Variants in MAST4 observed in about 807,000 individuals in gnomAD.
MAST4 encodes the protein microtubule-associated serine/threonine-protein kinase 4.
MAST4 carries 89 observed loss-of-function variants against 162.7 expected under a neutral mutation model. The observed-to-expected ratio is 0.55, with a 90% confidence interval of 0.46 to 0.65. The LOEUF (loss-of-function observed/expected upper bound fraction) is 0.65. Among genes scored for constraint, MAST4 ranks in the 30% least tolerant of loss-of-function variants. The pLI, the probability that MAST4 is intolerant of heterozygous loss-of-function variation, is 0.00. For missense variants in MAST4, 3,153 were observed against 3,374.0 expected, an observed-to-expected ratio of 0.93 and a Z score of 1.62; for synonymous variants, 1,479 against 1,361.1, an observed-to-expected ratio of 1.09 and a Z score of -1.91.
At chr5:66,739,719 C>A (rs915088772) in intron 1 of MAST4, among the ~76,000 whole-genome samples, 1 of 152,120 alleles carries the variant, frequency 6.6e-6, no homozygotes, top group Non-Finnish European at 1.5e-5. Context: ...TCAGAGCAGG[C>A]AGCGACCTAT....
chr5:67,072,303 C>T (rs1039848836), intron 5 of MAST4, among the ~76,000 whole-genome samples: 3 of 152,054 alleles, frequency 2.0e-5, no homozygotes, highest in Admixed American at 6.5e-5. Flanking sequence ...ATCATAGCAG[C>T]GTGTCAAATG....
intron 3 of MAST4, among the ~76,000 whole-genome samples, chr5:66,804,825 T>A (rs1421121273): frequency 6.6e-6 from 1 of 152,246 alleles, no homozygotes; most frequent in Non-Finnish European, 1.5e-5. Flanking sequence ...TTCTGATTTT[T>A]AAATTTTTTC....
intron 4 of MAST4, among the ~76,000 whole-genome samples, chr5:67,052,064 C>T (rs974588937): frequency 4.6e-5 from 7 of 152,226 alleles, no homozygotes; most frequent in South Asian, 4.1e-4. Flanking sequence ...GATATACCTT[C>T]GATAATTTGT....
At chr5:66,975,366 C>A (rs1325037274) in intron 4 of MAST4, among the ~76,000 whole-genome samples, 1 of 152,148 alleles carries the variant, frequency 6.6e-6, no homozygotes, top group African/African-American at 2.4e-5. Context: ...CCTGAAATGA[C>A]AAAGTGAGGA....
At chr5:66,799,166 C>T (rs139181577) in intron 3 of MAST4, among the ~76,000 whole-genome samples, 134 of 152,248 alleles carry the variant, frequency 8.8e-4, no homozygotes, top group African/African-American at 3.1e-3. Flanking sequence ...CCTCCGACCT[C>T]GGACTCCTCT....
intron 4 of MAST4, among the ~76,000 whole-genome samples, chr5:66,982,490 A>G (rs898958323): frequency 6.6e-6 from 1 of 152,198 alleles, no homozygotes; most frequent in African/African-American, 2.4e-5. Flanking sequence ...AGCCACCGTG[A>G]CAATCTATTA....
intron 24 of MAST4, among the ~76,000 whole-genome samples, chr5:67,150,604 G>T (rs1164068639): frequency 1.3e-5 from 2 of 152,210 alleles, no homozygotes; most frequent in Non-Finnish European, 2.9e-5. Context: ...ATATGGGCCA[G>T]TGCAGTTTTG....
intron 3 of MAST4, among the ~76,000 whole-genome samples, chr5:66,791,740 A>G (rs774746908): frequency 7.2e-5 from 11 of 152,184 alleles, no homozygotes; most frequent in Admixed American, 7.2e-4. Flanking sequence ...TTACTACTAG[A>G]TAGTGAAGGT....
intron 1 of MAST4, among the ~76,000 whole-genome samples, chr5:66,616,569 G>T (rs146652297): frequency 3.9e-5 from 6 of 152,024 alleles, no homozygotes; most frequent in African/African-American, 1.4e-4. Context: ...AGCCCAGAGC[G>T]GGGCTCTTCT....
chr5:66,804,841 C>A (rs964954121), intron 3 of MAST4, among the ~76,000 whole-genome samples: 4 of 152,098 alleles, frequency 2.6e-5, no homozygotes, highest in African/African-American at 9.7e-5. Context: ...TTTTCTTAAT[C>A]AATTTGGTAT....
chr5:66,720,319 A>G lies in MAST4; in HGVS notation c.364-39390A>G, dbSNP rs149535132. Reference sequence around the variant, plus strand: ...CCTTGATTTTTCTGTACCATGTAACATTTTCAATAGCATAAAAATTCCATT... The same window carrying G: ...CCTTGATTTTTCTGTACCATGTAACGTTTTCAATAGCATAAAAATTCCATT... On this transcript the variant is annotated intron_variant, in intron 1 of 28. Coordinates refer to ENST00000403625, the MANE Select transcript of MAST4 (RefSeq NM_001164664.2). Among the ~76,000 whole-genome samples, 10 of 152,064 alleles carry G rather than the reference A, an allele frequency of 6.6e-5. No individual in the cohort carries two copies. The East Asian group carries it at 7.7e-4, about 12-fold the overall frequency.
chr5:66,628,232 G>A (rs528458919), intron 1 of MAST4, among the ~76,000 whole-genome samples: 37 of 151,724 alleles, frequency 2.4e-4, no homozygotes, highest in Middle Eastern at 3.4e-3. Flanking sequence ...TGGGATTTCC[G>A]TATGTTGCCT....
chr5:66,606,943 A>G (rs1225286408), intron 1 of MAST4, among the ~76,000 whole-genome samples: 3 of 150,616 alleles, frequency 2.0e-5, no homozygotes, highest in Non-Finnish European at 4.4e-5. Flanking sequence ...TTAAATGAGT[A>G]TATGAATATA....
In MAST4 at chr5:67,164,469, C is replaced by T. The variant is rs1489748859; in HGVS notation, c.5290C>T (p.Arg1764Trp). 15 of 1,613,894 alleles carry T rather than the reference C, an allele frequency of 9.3e-6. No individual in the cohort carries two copies. Among genetic ancestry groups the T allele is most frequent in the African/African-American group, 4.0e-5 (3 of 74,920 alleles). Reference protein sequence around the residue: ...SFVPLKALTGRVDSGTEKPGL... With the variant: ...SFVPLKALTGWVDSGTEKPGL... ...TGTTCCCCTCAAGGCCTTAACAGGCCGGGTGGACAGTGGAACGGAGAAGCC... is the reference window on the plus strand; with the variant it reads ...TGTTCCCCTCAAGGCCTTAACAGGCTGGGTGGACAGTGGAACGGAGAAGCC... The change falls in exon 29 of 29, where the codon CGG becomes TGG. Residue 1764 changes from arginine (R) to tryptophan (W), a missense_variant. Arg to Trp is a moderately radical substitution (Grantham distance 101). Coordinates refer to ENST00000403625, the MANE Select transcript of MAST4 (RefSeq NM_001164664.2). The surrounding 1 kb of genome is among the most constrained non-coding windows in gnomAD (Gnocchi z 5.3).
chr5:66,845,539 A>C lies in MAST4; in HGVS notation c.643-54412A>C, dbSNP rs567605522. 3.3e-5 allele frequency among the ~76,000 whole-genome samples: 5 copies of C among 152,132 alleles called. No homozygotes were observed. The South Asian group carries it at 8.3e-4, about 25-fold the overall frequency. The stretch of plus-strand genomic sequence containing the variant: ...TTGATGGACATTTGGGTTGGTTCCA[A>C]GTCTTTGCTATTGTGAATAGTGCCA... On this transcript the variant is annotated intron_variant, in intron 3 of 28. Coordinates refer to ENST00000403625, the MANE Select transcript of MAST4 (RefSeq NM_001164664.2).
intron 4 of MAST4, among the ~76,000 whole-genome samples, chr5:66,931,774 AG>A: frequency 6.6e-6 from 1 of 152,202 alleles, no homozygotes; most frequent in South Asian, 2.1e-4. Flanking sequence ...TTAAAAAAAA[AG>A]AGGAAATAGC....
chr5:67,123,575 TGA>T (rs1334150895), intron 14 of MAST4, among the ~76,000 whole-genome samples: 1 of 152,152 alleles, frequency 6.6e-6, no homozygotes, highest in Non-Finnish European at 1.5e-5. Flanking sequence ...ACGGATACCC[TGA>T]TTCTAAGTGG....
At chr5:66,754,385 G>T (rs1202805264) in intron 1 of MAST4, among the ~76,000 whole-genome samples, 2 of 152,172 alleles carry the variant, frequency 1.3e-5, no homozygotes, top group African/African-American at 2.4e-5. Context: ...AAATGATGTG[G>T]TTTGCCATAA....
intron 6 of MAST4, among the ~76,000 whole-genome samples, chr5:67,093,992 A>G (rs940480349): frequency 1.3e-5 from 2 of 152,246 alleles, no homozygotes; most frequent in African/African-American, 4.8e-5. Context: ...GCATGTTATT[A>G]CAATTACTTT....
Sources: allele counts gnomAD v4.1 joint callset (sites outside exome capture counted in the v4.1 genomes callset), GRCh38; gene constraint gnomAD v4.1.1; non-coding constraint Gnocchi (gnomAD v3.1); transcripts MANE v1.5; gene names NCBI Gene and HGNC (gene_info 2026-07-23, HGNC 2026-07-21).